The following FMO2 variants were observed in gnomAD, a reference collection of about 807,000 sequenced individuals.
FMO2 encodes the protein flavin containing dimethylaniline monoxygenase 2, also known as flavin-containing monooxygenase 2.
FMO2 carries 33 observed loss-of-function variants against 41.6 expected under a neutral mutation model. That is an observed-to-expected ratio of 0.79 (90% CI 0.60 to 1.06). The LOEUF is 1.06. Among genes scored for constraint, FMO2 ranks in the 50% least tolerant of loss-of-function variants. The probability of loss-of-function intolerance (pLI) is 0.00; values close to 1 mark genes in which losing one functional copy is unlikely to be tolerated. For synonymous variants in FMO2, 214 were observed against 219.6 expected (o/e 0.97, Z 0.23); for missense variants, 619 against 632.9 (o/e 0.98, Z 0.23).
Position 171,209,185 on chromosome 1 carries a change from T to C in FMO2, c.*40T>C. On this transcript the variant is annotated 3_prime_UTR_variant, in exon 9 of 9. Coordinates refer to ENST00000209929, the MANE Select transcript of FMO2 (RefSeq NM_001460.5). The stretch of plus-strand genomic sequence containing the variant: ...TGGGCTTTATTATCTTGTCAGTCAC[T>C]ACCTCCTAAAGAAAAAAAAAAAGGC... 2.4e-6 allele frequency: 1 copy of C among 418,808 alleles called. No homozygotes were observed. The allele number at this position is 418,808 out of a possible 1,614,324, so 25.9% of individuals were successfully genotyped here.
chr1:171,187,439 A>G (rs774673725), intron 2 of FMO2, among the ~76,000 whole-genome samples: 76 of 152,138 alleles, frequency 5.0e-4, no homozygotes, highest in Admixed American at 6.6e-4. Flanking sequence ...TCATGCCAAC[A>G]GCGATCTTTT....
At chr1:171,200,626 A>AC (rs1236008691) in intron 5 of FMO2, among the ~76,000 whole-genome samples, 1 of 152,194 alleles carries the variant, frequency 6.6e-6, no homozygotes, top group Non-Finnish European at 1.5e-5. Context: ...TTATACTGGG[A>AC]CCTGTCAGAG....
intron 4 of FMO2, among the ~76,000 whole-genome samples, chr1:171,198,150 C>T (rs1658374878): frequency 2.0e-5 from 3 of 152,042 alleles, no homozygotes; most frequent in Admixed American, 2.0e-4. Flanking sequence ...ATGGCAAATA[C>T]TTTATAAAGT....
chr1:171,205,673 T>C, intron 7 of FMO2, 39 bp downstream of exon 7: 1 of 1,345,398 alleles, frequency 7.4e-7, no homozygotes, highest in Non-Finnish European at 1.0e-6. Flanking sequence ...GCGTTTCAGA[T>C]CTGGTGAAGT....
At position 171,205,409 on chromosome 1, in the gene FMO2, G is replaced by C. The variant is rs1658716500; in HGVS notation, c.958G>C (p.Glu320Gln). The stretch of plus-strand genomic sequence containing the variant: ...CATCTTTGAGGATGGAACAGTGGAG[G>C]AGAACATTGATGTCATCATTTTTGC... ...SAIFEDGTVE[E>Q]NIDVIIFATG... Residue 320 changes from glutamate (E) to glutamine (Q), a missense_variant, in exon 7 of 9, where the codon GAG (glutamate) becomes CAG (glutamine). Transcript: ENST00000209929. The C allele has an allele frequency of 1.2e-6, 2 of 1,613,878 alleles. No homozygotes were observed. Among genetic ancestry groups the C allele is most frequent in the Non-Finnish European group, 1.7e-6 (2 of 1,179,846 alleles).
In FMO2 at chr1:171,210,584, G is replaced by A. The variant is rs1488651843; in HGVS notation, c.*1439G>A. On this transcript the variant is annotated 3_prime_UTR_variant, in exon 9 of 9. Coordinates refer to ENST00000209929, the MANE Select transcript of FMO2 (RefSeq NM_001460.5). Reference sequence around the variant, plus strand: ...TGCTCCTTCCCTGAACTGTGCTTTGGAAGATAAGCTCTGTCCTGAGTCCAA... The same window carrying A: ...TGCTCCTTCCCTGAACTGTGCTTTGAAAGATAAGCTCTGTCCTGAGTCCAA... 1 of 152,176 alleles carries A rather than the reference G, an allele frequency of 6.6e-6. No homozygotes were observed. Among genetic ancestry groups the A allele is most frequent in the Non-Finnish European group, 1.5e-5 (1 of 68,018 alleles). 9.4% of individuals were successfully genotyped at this position (152,176 alleles called of 1,614,324 possible). A position where few individuals can be genotyped will look rare whatever the true frequency, so the allele number is the denominator to read the frequency against.
Position 171,205,522 on chromosome 1 carries a change from C to T in FMO2, c.1071C>T (p.Phe357=), listed in dbSNP as rs779112298. ...TGGTCTCACTGTATAAATACATATT[C>T]CCCGCTCACCTGGACAAGTCAACCC... ...NNMVSLYKYI[F]PAHLDKSTLA... is the part of the protein sequence containing the mutation. Residue 357 remains phenylalanine, a synonymous_variant, in exon 7 of 9, where the codon TTC becomes TTT. Transcript: ENST00000209929. 3.1e-6 allele frequency: 5 copies of T among 1,613,792 alleles called. No individual in the cohort carries two copies. Among genetic ancestry groups the T allele is most frequent in the South Asian group, 1.1e-5 (1 of 91,068 alleles).
chr1:171,188,601 T>C (rs1432155930), intron 2 of FMO2, among the ~76,000 whole-genome samples: 1 of 152,206 alleles, frequency 6.6e-6, no homozygotes, highest in Non-Finnish European at 1.5e-5. Context: ...ACCAGGTGAC[T>C]GGGAGTTTCC....
chr1:171,208,769 T>C (rs1297867005), intron 8 of FMO2, 25 bp from the exon 9 acceptor site: 1 of 1,610,662 alleles, frequency 6.2e-7, no homozygotes, highest in East Asian at 2.2e-5. Context: ...TCTGTGAACA[T>C]TCCCTTTTTA....
rs763767705 is a variant in FMO2 at position 171,205,352 on chromosome 1, T to G, written c.901T>G (p.Ser301Ala). 3 of 1,613,798 alleles carry G rather than the reference T, an allele frequency of 1.9e-6. No homozygotes were observed. The South Asian group carries it at 3.3e-5, about 18-fold the overall frequency. ...ACTCTGTGGAGCCATCAAGGTGAAA[T>G]CTACAGTGAAAGAGCTCACAGAAAC... is the stretch of plus-strand genomic sequence containing the variant. ...RLLCGAIKVK[S>A]TVKELTETSA... Residue 301 changes from serine (S) to alanine (A), a missense_variant, in exon 7 of 9, where the codon TCT (serine) becomes GCT (alanine). Transcript: ENST00000209929.
At chr1:171,188,330 A>T (rs12085225) in intron 2 of FMO2, among the ~76,000 whole-genome samples, 1 of 152,058 alleles carries the variant, frequency 6.6e-6, no homozygotes, top group Admixed American at 6.5e-5. Flanking sequence ...ATTAGAGATA[A>T]CTTCCTATTC....
intron 2 of FMO2, among the ~76,000 whole-genome samples, chr1:171,190,662 C>T (rs560861436): frequency 1.2e-4 from 19 of 152,284 alleles, no homozygotes; most frequent in African/African-American, 4.6e-4. Flanking sequence ...TCAGTTCAAG[C>T]ATTTGATACA....
chr1:171,185,680 T>A lies in FMO2; in HGVS notation c.-6-28T>A. ...TCTCTTACCGGTTGTCCCAGTTAAG[T>A]AATGTTGATTGATCAACTCCTTGAC... On this transcript the variant is annotated intron_variant, in intron 1 of 8. Transcript: ENST00000209929. The A allele has an allele frequency of 1.9e-6, 3 of 1,612,370 alleles. No homozygotes were observed. In the South Asian group the frequency reaches 3.3e-5, roughly 18 times the overall value.
intron 7 of FMO2, 73 bp from the exon 8 acceptor site, chr1:171,207,645 T>G: frequency 9.4e-7 from 1 of 1,064,750 alleles, no homozygotes; most frequent in Non-Finnish European, 1.4e-6. Flanking sequence ...AGTTTAATTT[T>G]AAGAATCAAC....
intron 3 of FMO2, among the ~76,000 whole-genome samples, chr1:171,195,042 C>T (rs2223230): frequency 1 from 152,356 of 152,356 alleles, 76,178 homozygotes; most frequent in Non-Finnish European, 1. Context: ...ACAAATATCT[C>T]GCCTTTTTAT....
intron 5 of FMO2, among the ~76,000 whole-genome samples, chr1:171,202,192 G>A (rs369556645): frequency 1.3e-5 from 2 of 152,202 alleles, no homozygotes; most frequent in Middle Eastern, 3.4e-3. Context: ...TGAATCAAAC[G>A]GGCAGAGCAT....
intron 8 of FMO2, 94 bp downstream of exon 8, chr1:171,207,884 T>A: frequency 1.2e-6 from 1 of 804,988 alleles, no homozygotes; most frequent in Non-Finnish European, 2.1e-6. Flanking sequence ...CCTGATAAAA[T>A]GCAAATTTCT....
rs945562844 is a variant in FMO2, at chr1:171,211,521, C to A, written c.*2376C>A. ...TTGTCAGGTTAATGCTAAATCAGTG[C>A]GGAAATATAGCTCCACTAGGAAAAT... On this transcript the variant is annotated 3_prime_UTR_variant, in exon 9 of 9. Coordinates refer to ENST00000209929, the MANE Select transcript of FMO2 (RefSeq NM_001460.5). 4.7e-5 allele frequency among the ~76,000 whole-genome samples: 7 copies of A among 148,918 alleles called. No individual in the cohort carries two copies. The highest frequency in any genetic ancestry group is 1.3e-4 in the African/African-American group (5 of 38,334).
chr1:171,189,661 T>TC (rs1490814568), intron 2 of FMO2, among the ~76,000 whole-genome samples: 4 of 122,394 alleles, frequency 3.3e-5, no homozygotes, highest in East Asian at 2.1e-4. Context: ...TTTCTTTTCT[T>TC]TTTTTTTTTT....
Sources: gnomAD v4.1 joint callset for allele counts (sites outside exome capture counted in the v4.1 genomes callset) on GRCh38, gnomAD v4.1.1 for gene constraint, MANE v1.5 for transcripts, NCBI Gene and HGNC (gene_info 2026-07-23, HGNC 2026-07-21) for gene names.